Variants in DOCK2 observed in about 807,000 individuals in gnomAD.
DOCK2 encodes the protein dedicator of cytokinesis 2, also known as dedicator of cytokinesis protein 2.
DOCK2 carries 87 observed loss-of-function variants against 248.9 expected under a neutral mutation model. The ratio of observed to expected loss-of-function variants is 0.35; its 90% CI spans 0.29 to 0.42. The LOEUF (loss-of-function observed/expected upper bound fraction) is 0.42. Among genes scored for constraint, DOCK2 ranks in the 10% least tolerant of loss-of-function variants. DOCK2 has a pLI of 1.00. For synonymous variants in DOCK2, 805 were observed against 821.6 expected, an observed-to-expected ratio of 0.98 and a Z score of 0.35; for missense variants, 1,747 against 2,300.2, an observed-to-expected ratio of 0.76 and a Z score of 4.92.
rs1289963375 is a variant in DOCK2 at position 169,996,013 on chromosome 5, T to C, written c.2994-73T>C. The C allele has an allele frequency of 3.9e-6, 6 of 1,522,066 alleles. No homozygotes were observed. In the South Asian group the frequency reaches 6.0e-5, roughly 15 times the overall value. 94.3% of individuals were successfully genotyped at this position (1,522,066 alleles called of 1,614,324 possible). A position where few individuals can be genotyped will look rare whatever the true frequency, so the allele number is the denominator to read the frequency against. On this transcript the variant is annotated intron_variant, in intron 29 of 51. Transcript: ENST00000520908. ...CTCTCCAAAGAGGGTAAGGGAATTT[T>C]AGTCTGGCATAAGGACGAAGGAACT...
intron 25 of DOCK2, among the ~76,000 whole-genome samples, chr5:169,785,253 G>T (rs1382272328): frequency 1.3e-5 from 2 of 152,144 alleles, no homozygotes; most frequent in Non-Finnish European, 2.9e-5. Context: ...TTTGAAAACA[G>T]AAACTAGTTT....
intron 15 of DOCK2, among the ~76,000 whole-genome samples, chr5:169,710,929 A>G (rs1396398732): frequency 2.0e-5 from 3 of 152,176 alleles, no homozygotes; most frequent in Non-Finnish European, 4.4e-5. Flanking sequence ...ACACGGAACA[A>G]TGAGCTCTTT....
intron 27 of DOCK2, among the ~76,000 whole-genome samples, chr5:169,982,462 G>A (rs953024473): frequency 6.6e-6 from 1 of 152,158 alleles, no homozygotes; most frequent in African/African-American, 2.4e-5. Flanking sequence ...CTGGTACTTA[G>A]TTGGCTTTGC....
At chr5:169,723,382 A>G (rs1281950516) in intron 22 of DOCK2, among the ~76,000 whole-genome samples, 2 of 152,162 alleles carry the variant, frequency 1.3e-5, no homozygotes, top group Non-Finnish European at 2.9e-5. Context: ...CAATTTCCTC[A>G]TATGTAACAC....
In DOCK2 at chr5:169,685,838, C is replaced by T. The variant is rs951192747; in HGVS notation, c.761+1488C>T. On this transcript the variant is annotated intron_variant, in intron 8 of 51. Coordinates refer to ENST00000520908, the MANE Select transcript of DOCK2 (RefSeq NM_004946.3). The stretch of plus-strand genomic sequence containing the variant: ...GGAAGTCAAGCAACTTGCCCAAAGT[C>T]ACAAATATTTGTAAACAGCAGAGCT... 3.3e-5 allele frequency among the ~76,000 whole-genome samples: 5 copies of T among 152,158 alleles called. No homozygotes were observed. In the South Asian group the frequency reaches 1.0e-3, roughly 32 times the overall value.
intron 27 of DOCK2, among the ~76,000 whole-genome samples, chr5:169,938,024 C>G (rs991647678): frequency 9.2e-5 from 14 of 152,184 alleles, no homozygotes; most frequent in Non-Finnish European, 2.9e-5. Flanking sequence ...CTCAGAAATC[C>G]TGGGAGCCAT....
intron 27 of DOCK2, among the ~76,000 whole-genome samples, chr5:169,922,591 A>G (rs1439178254): frequency 2.6e-5 from 4 of 152,230 alleles, no homozygotes; most frequent in Non-Finnish European, 5.9e-5. Context: ...AGTTTAGAGA[A>G]TATCACCTAC....
chr5:169,741,758 G>T (rs1348799836), intron 22 of DOCK2, among the ~76,000 whole-genome samples: 2 of 150,924 alleles, frequency 1.3e-5, no homozygotes, highest in East Asian at 1.9e-4. Flanking sequence ...TGTTCCTGGG[G>T]TCATAAATTA....
intron 27 of DOCK2, among the ~76,000 whole-genome samples, chr5:169,863,658 C>T (rs1771347544): frequency 6.6e-6 from 1 of 152,208 alleles, no homozygotes; most frequent in South Asian, 2.1e-4. Context: ...GGTGCATGCA[C>T]CATGAGATGA....
Position 169,712,230 on chromosome 5 carries a change from T to C in DOCK2, c.1659+7T>C, listed in dbSNP as rs1351066749. 1 of 1,613,602 alleles carries C rather than the reference T, an allele frequency of 6.2e-7. No individual in the cohort carries two copies. Among genetic ancestry groups the C allele is most frequent in the Non-Finnish European group, 8.5e-7 (1 of 1,179,614 alleles). On this transcript the variant is annotated splice_region_variant and intron_variant, in intron 17 of 51. Transcript: ENST00000520908. ...TGACTTAGTTGTCCTCAAGGTACCATGAGTTGGAAGGAGCTCTGCACTGAG... is the reference window on the plus strand; with the variant it reads ...TGACTTAGTTGTCCTCAAGGTACCACGAGTTGGAAGGAGCTCTGCACTGAG...
intron 21 of DOCK2, 101 bp from the exon 22 acceptor site, chr5:169,718,556 A>G (rs946875123): frequency 2.0e-5 from 26 of 1,332,124 alleles, no homozygotes; most frequent in African/African-American, 1.3e-4. Flanking sequence ...GCTTGGCTCT[A>G]CTACCACCTT....
chr5:169,792,900 T>G (rs1242439214), intron 25 of DOCK2, among the ~76,000 whole-genome samples: 1 of 152,164 alleles, frequency 6.6e-6, no homozygotes, highest in South Asian at 2.1e-4. Flanking sequence ...TCCCAAAGCA[T>G]TTCTAAGGAG....
At chr5:169,806,156 T>C (rs1767340493) in intron 26 of DOCK2, among the ~76,000 whole-genome samples, 1 of 151,980 alleles carries the variant, frequency 6.6e-6, no homozygotes, top group South Asian at 2.1e-4. Context: ...AAATTTCTCA[T>C]GTTCTAATAT....
intron 23 of DOCK2, among the ~76,000 whole-genome samples, chr5:169,755,720 G>C (rs985396188): frequency 1.3e-5 from 2 of 152,040 alleles, no homozygotes; most frequent in Admixed American, 1.3e-4. Context: ...CTGCATCCTG[G>C]GCGACAGAGT....
rs1758726432 is a variant in DOCK2, at chr5:169,666,265, C to T, written c.128-3023C>T. Among the ~76,000 whole-genome samples, 2 of 152,148 alleles carry T rather than the reference C, an allele frequency of 1.3e-5. 1 individual carries two copies. Among genetic ancestry groups the T allele is most frequent in the South Asian group, 4.2e-4 (2 of 4,812 alleles). On this transcript the variant is annotated intron_variant, in intron 2 of 51. Transcript: ENST00000520908. The stretch of plus-strand genomic sequence containing the variant: ...TTCATAAAGGCTCCATTCTCATGAC[C>T]TAATTACCTCCCAAGGACCCCACCT...
At chr5:169,946,719 T>C (rs1400935376) in intron 27 of DOCK2, among the ~76,000 whole-genome samples, 1 of 152,098 alleles carries the variant, frequency 6.6e-6, no homozygotes, top group East Asian at 1.9e-4. Flanking sequence ...ACAAACCTAA[T>C]AGAAAAATAA....
At chr5:169,753,078 A>T (rs1335452173) in intron 23 of DOCK2, among the ~76,000 whole-genome samples, 1 of 135,836 alleles carries the variant, frequency 7.4e-6, no homozygotes, top group Non-Finnish European at 1.5e-5. Flanking sequence ...TAAAATAATT[A>T]CTTCTATCAT....
intron 27 of DOCK2, among the ~76,000 whole-genome samples, chr5:169,873,608 C>T (rs765474311): frequency 2.0e-5 from 3 of 152,190 alleles, no homozygotes; most frequent in African/African-American, 7.2e-5. Flanking sequence ...CCTGGCTCCA[C>T]GCTGGGACAC....
chr5:169,923,334 A>G (rs1775275838), intron 27 of DOCK2, among the ~76,000 whole-genome samples: 2 of 152,150 alleles, frequency 1.3e-5, no homozygotes, highest in South Asian at 2.1e-4. Flanking sequence ...ATTTCCTACA[A>G]TATTTATGTG....
Sources: allele counts gnomAD v4.1 joint callset (sites outside exome capture counted in the v4.1 genomes callset), GRCh38; gene constraint gnomAD v4.1.1; transcripts MANE v1.5; gene names NCBI Gene and HGNC (gene_info 2026-07-23, HGNC 2026-07-21).